The following EDIL3 variants were observed in gnomAD, a reference collection of about 807,000 sequenced individuals.
The protein encoded by EDIL3 is EGF like and discoidin domains 3, also known as EGF-like repeat and discoidin I-like domain-containing protein 3.
A neutral mutation model predicts 67.4 loss-of-function variants in EDIL3; 37 were observed. The observed-to-expected ratio is 0.55, with a 90% CI of 0.42 to 0.72. The LOEUF (loss-of-function observed/expected upper bound fraction) is 0.72. EDIL3 is among the 30% of genes least tolerant of loss of function. EDIL3 has a pLI of 0.00. For synonymous variants in EDIL3, 195 were observed against 196.3 expected (o/e 0.99, Z 0.05); for missense variants, 527 against 586.3 (o/e 0.90, Z 1.04).
At chr5:83,975,727 T>C (rs1744866746) in intron 9 of EDIL3, among the ~76,000 whole-genome samples, 1 of 151,912 alleles carries the variant, frequency 6.6e-6, no homozygotes, top group Non-Finnish European at 1.5e-5. Context: ...ATATTTTTAA[T>C]GAAGTTGAAA....
At chr5:83,955,204 C>A (rs539885106) in intron 10 of EDIL3, among the ~76,000 whole-genome samples, 1 of 151,596 alleles carries the variant, frequency 6.6e-6, no homozygotes, top group East Asian at 2.0e-4. Context: ...TAAGTGTACA[C>A]GTTTTTAGTG....
At chr5:84,280,947 CAAAAAA>C (rs11302104) in intron 1 of EDIL3, among the ~76,000 whole-genome samples, 4 of 70,196 alleles carry the variant, frequency 5.7e-5, no homozygotes, top group Non-Finnish European at 7.6e-5. Flanking sequence ...AAGACTCTGT[CAAAAAA>C]AAAAAAAAAA....
intron 4 of EDIL3, among the ~76,000 whole-genome samples, chr5:84,168,959 G>A (rs369082251): frequency 2.2e-4 from 34 of 152,148 alleles, no homozygotes; most frequent in African/African-American, 8.2e-4. Context: ...CTATTGCTCA[G>A]GTCCTCTTTC....
At chr5:84,012,601 T>C (rs1011112559) in intron 9 of EDIL3, among the ~76,000 whole-genome samples, 1 of 152,148 alleles carries the variant, frequency 6.6e-6, no homozygotes, top group Non-Finnish European at 1.5e-5. Context: ...TATTACTCTA[T>C]CTAAGCTTTG....
At chr5:84,105,171 G>A (rs1747436411) in intron 6 of EDIL3, among the ~76,000 whole-genome samples, 1 of 151,852 alleles carries the variant, frequency 6.6e-6, no homozygotes. Flanking sequence ...AACCTTAATC[G>A]ATCCTTCACA....
chr5:84,082,891 TTAGGAG>T (rs1746996846), intron 6 of EDIL3, among the ~76,000 whole-genome samples: 1 of 152,142 alleles, frequency 6.6e-6, no homozygotes, highest in South Asian at 2.1e-4. Context: ...ATTAGACATA[TTAGGAG>T]TAAGTTTTTA....
chr5:84,164,888 A>G (rs989612956), intron 4 of EDIL3, among the ~76,000 whole-genome samples: 2 of 152,098 alleles, frequency 1.3e-5, no homozygotes, highest in African/African-American at 4.8e-5. Flanking sequence ...GAGGAAGTAG[A>G]AATCCTAGGA....
At chr5:84,223,001 A>G (rs1744375955) in intron 3 of EDIL3, among the ~76,000 whole-genome samples, 1 of 151,530 alleles carries the variant, frequency 6.6e-6, no homozygotes, top group South Asian at 2.1e-4. Flanking sequence ...CCACTTGTTT[A>G]TTTTTGCTTT....
In EDIL3 at chr5:84,157,223, G is replaced by A. The variant is rs146677174; in HGVS notation, c.356-19869C>T. Among the ~76,000 whole-genome samples, 195 of 151,944 alleles carry A rather than the reference G, an allele frequency of 1.3e-3. 1 individual carries two copies. The highest frequency in any genetic ancestry group is 4.4e-3 in the African/African-American group (184 of 41,458). ...ATCAGGAAAAGTAACTAATGGGTAC[G>A]AGGCTTAATACCAGGGTGATGAAAT... is the stretch of plus-strand genomic sequence containing the variant. On this transcript the variant is annotated intron_variant, in intron 4 of 10. Coordinates refer to ENST00000296591, the MANE Select transcript of EDIL3 (RefSeq NM_005711.5).
chr5:84,105,009 T>C (rs1357840220), intron 6 of EDIL3, among the ~76,000 whole-genome samples: 6 of 152,088 alleles, frequency 3.9e-5, no homozygotes, highest in African/African-American at 1.4e-4. Flanking sequence ...TCAACTGTTC[T>C]GAATTTTGGC....
At chr5:83,989,625 A>T (rs1745115224) in intron 9 of EDIL3, among the ~76,000 whole-genome samples, 1 of 152,196 alleles carries the variant, frequency 6.6e-6, no homozygotes, top group African/African-American at 2.4e-5. Context: ...GAGATATTTG[A>T]CTAAAGTATG....
At chr5:84,333,799 T>G (rs983224994) in intron 1 of EDIL3, among the ~76,000 whole-genome samples, 1 of 152,140 alleles carries the variant, frequency 6.6e-6, no homozygotes, top group Non-Finnish European at 1.5e-5. Flanking sequence ...TAAAAATAAG[T>G]AATTTATTAT....
At chr5:84,319,160 C>G (rs1328530682) in intron 1 of EDIL3, among the ~76,000 whole-genome samples, 4 of 150,020 alleles carry the variant, frequency 2.7e-5, no homozygotes, top group African/African-American at 9.8e-5. Context: ...ACAACAGATG[C>G]TGCAGAGGAT....
intron 4 of EDIL3, among the ~76,000 whole-genome samples, chr5:84,163,626 T>C (rs1032022114): frequency 6.6e-6 from 1 of 152,074 alleles, no homozygotes; most frequent in Non-Finnish European, 1.5e-5. Flanking sequence ...AAGATCAAAA[T>C]CAGCCATGCT....
At chr5:84,054,663 T>C (rs535886173) in intron 9 of EDIL3, among the ~76,000 whole-genome samples, 1 of 151,916 alleles carries the variant, frequency 6.6e-6, no homozygotes, top group East Asian at 1.9e-4. Flanking sequence ...TACACACCAA[T>C]AACAGACAAA....
chr5:84,133,058 G>A (rs1748020470), intron 5 of EDIL3, among the ~76,000 whole-genome samples: 1 of 152,024 alleles, frequency 6.6e-6, no homozygotes, highest in African/African-American at 2.4e-5. Context: ...ATTTAATAAT[G>A]TCATATTTAA....
intron 3 of EDIL3, among the ~76,000 whole-genome samples, chr5:84,182,719 G>A (rs1749035954): frequency 6.6e-6 from 1 of 152,040 alleles, no homozygotes; most frequent in African/African-American, 2.4e-5. Flanking sequence ...ACATGGAACA[G>A]GAAACAATGT....
At chr5:84,137,681 T>C (rs1748118269) in intron 4 of EDIL3, among the ~76,000 whole-genome samples, 1 of 152,178 alleles carries the variant, frequency 6.6e-6, no homozygotes, top group Non-Finnish European at 1.5e-5. Context: ...TTAACCCTGA[T>C]AGAAAGATGA....
At chr5:84,378,842 C>A (rs559728076) in intron 1 of EDIL3, among the ~76,000 whole-genome samples, 1 of 152,164 alleles carries the variant, frequency 6.6e-6, no homozygotes, top group Non-Finnish European at 1.5e-5. Flanking sequence ...ATGTTTTAAA[C>A]TTCAGGTTTG....
Sources: gnomAD v4.1 joint callset for allele counts (sites outside exome capture counted in the v4.1 genomes callset) on GRCh38, gnomAD v4.1.1 for gene constraint, MANE v1.5 for transcripts, NCBI Gene and HGNC (gene_info 2026-07-23, HGNC 2026-07-21) for gene names.